SNTG1: variants seen among roughly 807,000 people sequenced by gnomAD.
The protein encoded by SNTG1 is gamma-1-syntrophin.
In SNTG1, 39 loss-of-function variants were observed where a neutral mutation model predicts 74.7. The ratio of observed to expected loss-of-function variants is 0.52; its 90% CI spans 0.40 to 0.68. The LOEUF is 0.68. SNTG1 is among the 30% of genes least tolerant of loss of function. The probability of loss-of-function intolerance (pLI) is 0.00; values close to 1 mark genes in which losing one functional copy is unlikely to be tolerated. For synonymous variants in SNTG1, 254 were observed against 217.1 expected (o/e 1.17, Z -1.49); for missense variants, 685 against 609.5 (o/e 1.12, Z -1.30).
At chr8:50,078,679 A>T (rs1361429086) in intron 1 of SNTG1, among the ~76,000 whole-genome samples, 1 of 152,150 alleles carries the variant, frequency 6.6e-6, no homozygotes, top group African/African-American at 2.4e-5. Context: ...CCCTGCGTGC[A>T]TTAGGTATTT....
chr8:50,165,727 T>C (rs1319708597), intron 1 of SNTG1, among the ~76,000 whole-genome samples: 1 of 152,164 alleles, frequency 6.6e-6, no homozygotes, highest in Non-Finnish European at 1.5e-5. Flanking sequence ...AAAACCTTAG[T>C]GGTTCCTAAA....
At position 50,567,918 on chromosome 8, in the gene SNTG1, A is replaced by T. The variant is rs13262914; in HGVS notation, c.810+14739A>T. 2.0e-4 allele frequency among the ~76,000 whole-genome samples: 30 copies of T among 152,006 alleles called. No homozygotes were observed. In the East Asian group the frequency reaches 5.6e-3, roughly 28 times the overall value. On this transcript the variant is annotated intron_variant, in intron 12 of 18. Coordinates refer to ENST00000642720, the MANE Select transcript of SNTG1 (RefSeq NM_018967.5). ...CTTTACATTGTTATTTGCTCTAGTC[A>T]CCCTACTATATAATAGAGCACCATA...
chr8:50,661,806 A>G (rs73676385), intron 15 of SNTG1, among the ~76,000 whole-genome samples: 2,310 of 152,262 alleles, frequency 0.015, 49 homozygotes, highest in African/African-American at 0.052. Flanking sequence ...ATCAAATACA[A>G]TGTAAATCTA....
At chr8:50,023,567 A>G (rs1817009522) in intron 1 of SNTG1, among the ~76,000 whole-genome samples, 1 of 152,166 alleles carries the variant, frequency 6.6e-6, no homozygotes. Context: ...GTATGCAAAT[A>G]TGAGTTTCTG....
At chr8:50,779,377 A>G (rs1000935848) in intron 18 of SNTG1, among the ~76,000 whole-genome samples, 1 of 151,930 alleles carries the variant, frequency 6.6e-6, no homozygotes, top group Non-Finnish European at 1.5e-5. Flanking sequence ...CTTTTATTTC[A>G]TCGAGCAGTG....
At chr8:50,177,732 T>C (rs1240862754) in intron 2 of SNTG1, among the ~76,000 whole-genome samples, 1 of 152,220 alleles carries the variant, frequency 6.6e-6, no homozygotes, top group Admixed American at 6.5e-5. Context: ...TTAACACTTG[T>C]TTAATTTGCC....
intron 2 of SNTG1, among the ~76,000 whole-genome samples, chr8:50,257,762 T>C (rs1395364314): frequency 6.6e-6 from 1 of 152,146 alleles, no homozygotes; most frequent in Non-Finnish European, 1.5e-5. Flanking sequence ...CCTCTTCAGT[T>C]AAGAGCAAGC....
chr8:49,979,345 C>T (rs1163607512), intron 1 of SNTG1, among the ~76,000 whole-genome samples: 1 of 152,204 alleles, frequency 6.6e-6, no homozygotes, highest in Non-Finnish European at 1.5e-5. Flanking sequence ...GTCCTACAGC[C>T]GTTTCAGCAG....
chr8:50,674,326 G>A (rs1474016236), intron 15 of SNTG1, among the ~76,000 whole-genome samples: 1 of 151,982 alleles, frequency 6.6e-6, no homozygotes, highest in Admixed American at 6.6e-5. Flanking sequence ...TGGTTGGTAG[G>A]CTATTAATTA....
intron 8 of SNTG1, among the ~76,000 whole-genome samples, chr8:50,477,179 T>C (rs2093703725): frequency 6.6e-6 from 1 of 151,930 alleles, no homozygotes; most frequent in East Asian, 1.9e-4. Context: ...TTCTTAAGTA[T>C]GGGCTGTCCA....
At chr8:50,671,061 T>G (rs1013836624) in intron 15 of SNTG1, among the ~76,000 whole-genome samples, 1 of 151,348 alleles carries the variant, frequency 6.6e-6, no homozygotes, top group Non-Finnish European at 1.5e-5. Flanking sequence ...ATTAAAGACT[T>G]AAATGTTAGA....
At chr8:50,608,452 G>A (rs1041864964) in intron 13 of SNTG1, among the ~76,000 whole-genome samples, 7 of 151,530 alleles carry the variant, frequency 4.6e-5, no homozygotes, top group East Asian at 1.9e-4. Context: ...ATGAAATGTC[G>A]TTCTTTTTCT....
intron 13 of SNTG1, among the ~76,000 whole-genome samples, chr8:50,608,461 C>T (rs1428972781): frequency 1.3e-5 from 2 of 151,528 alleles, no homozygotes; most frequent in African/African-American, 4.8e-5. Flanking sequence ...CGTTCTTTTT[C>T]TGTATAATAT....
intron 4 of SNTG1, among the ~76,000 whole-genome samples, chr8:50,412,119 T>A (rs76583381): frequency 0.047 from 7,125 of 152,284 alleles, 218 homozygotes; most frequent in Middle Eastern, 0.095. Flanking sequence ...GTGAAATACA[T>A]TGCTAGGTAT....
At chr8:50,296,735 A>G (rs113267514) in intron 2 of SNTG1, among the ~76,000 whole-genome samples, 10,530 of 152,204 alleles carry the variant, frequency 0.069, 408 homozygotes, top group African/African-American at 0.085. Flanking sequence ...CCTATGTAAC[A>G]AACCTGAATG....
At chr8:50,458,755 T>C (rs2093531948) in intron 8 of SNTG1, among the ~76,000 whole-genome samples, 3 of 131,014 alleles carry the variant, frequency 2.3e-5, no homozygotes, top group African/African-American at 8.5e-5. Context: ...ATATGCCATA[T>C]CACTTTTATT....
chr8:50,560,574 T>TG (rs1447244116), intron 12 of SNTG1, among the ~76,000 whole-genome samples: 3 of 152,202 alleles, frequency 2.0e-5, no homozygotes, highest in African/African-American at 7.2e-5. Context: ...TGCAGGGACA[T>TG]GGATGGAGCT....
chr8:49,915,303 C>G (rs573819522), intron 1 of SNTG1, among the ~76,000 whole-genome samples: 1 of 152,212 alleles, frequency 6.6e-6, no homozygotes, highest in African/African-American at 2.4e-5. Flanking sequence ...GTTTTGGAAA[C>G]AAGTGTTATA....
intron 8 of SNTG1, among the ~76,000 whole-genome samples, chr8:50,459,054 T>C (rs75614925): frequency 0.08 from 12,165 of 152,238 alleles, 1,083 homozygotes; most frequent in African/African-American, 0.22. Flanking sequence ...TTTTAACTCT[T>C]GTATTTATGT....
Sources: gnomAD v4.1 joint callset for allele counts (sites outside exome capture counted in the v4.1 genomes callset) on GRCh38, gnomAD v4.1.1 for gene constraint, MANE v1.5 for transcripts, NCBI Gene and HGNC (gene_info 2026-07-23, HGNC 2026-07-21) for gene names.